CDH9: variants seen among roughly 807,000 people sequenced by gnomAD.
CDH9 encodes the protein cadherin 9.
Under a neutral mutation model 70.9 loss-of-function variants are expected in CDH9, and 28 were observed. The observed-to-expected ratio is 0.40, with a 90% CI of 0.29 to 0.54. The LOEUF is 0.54. Ranked by LOEUF, CDH9 falls within the 20% of genes least tolerant of loss-of-function variation. The probability of loss-of-function intolerance (pLI) is 0.59; values close to 1 mark genes in which losing one functional copy is unlikely to be tolerated. For synonymous variants in CDH9, 409 were observed against 343.1 expected, an observed-to-expected ratio of 1.19 and a Z score of -2.12; for missense variants, 874 against 984.4, an observed-to-expected ratio of 0.89 and a Z score of 1.50.
chr5:26,908,699 G>T (rs1445405293), intron 3 of CDH9, among the ~76,000 whole-genome samples: 1 of 152,268 alleles, frequency 6.6e-6, no homozygotes, highest in South Asian at 2.1e-4. Flanking sequence ...CAAAGAGAAA[G>T]AAGTTAATAT....
intron 2 of CDH9, among the ~76,000 whole-genome samples, chr5:26,952,073 C>G (rs1361851039): frequency 6.6e-6 from 1 of 150,528 alleles, no homozygotes; most frequent in Non-Finnish European, 1.5e-5. Flanking sequence ...CTCCGCCTCT[C>G]GGGTTCAAGC....
intron 2 of CDH9, among the ~76,000 whole-genome samples, chr5:26,941,742 T>C (rs1394595441): frequency 1.3e-5 from 2 of 152,092 alleles, no homozygotes; most frequent in Non-Finnish European, 2.9e-5. Flanking sequence ...AATGACTAGA[T>C]AGTCTATGAA....
chr5:27,036,157 T>A (rs1220166685), intron 1 of CDH9, among the ~76,000 whole-genome samples: 1 of 151,906 alleles, frequency 6.6e-6, no homozygotes. Flanking sequence ...CATATCACTA[T>A]TGATGCCTGA....
intron 1 of CDH9, among the ~76,000 whole-genome samples, chr5:27,022,924 T>A (rs1359807427): frequency 6.6e-6 from 1 of 151,710 alleles, no homozygotes; most frequent in Non-Finnish European, 1.5e-5. Context: ...AGTAGTTCAG[T>A]TATTTGTATT....
rs1450994684 is a variant in CDH9 at position 26,969,725 on chromosome 5, T to G, written c.228+18381A>C. Among the ~76,000 whole-genome samples the G allele has an allele frequency of 2.6e-5, 4 of 152,000 alleles. No homozygotes were observed. The South Asian group carries it at 8.3e-4, about 31-fold the overall frequency. On this transcript the variant is annotated intron_variant, in intron 2 of 11. Coordinates refer to ENST00000231021, the MANE Select transcript of CDH9 (RefSeq NM_016279.4). Reference sequence around the variant, plus strand: ...CTGTATAGTTTGATTGCACTGGTATTGATACTTCAATAACTCACAAGCTTT... The same window carrying G: ...CTGTATAGTTTGATTGCACTGGTATGGATACTTCAATAACTCACAAGCTTT...
intron 2 of CDH9, among the ~76,000 whole-genome samples, chr5:26,955,707 G>A (rs993069233): frequency 3.3e-5 from 5 of 152,216 alleles, no homozygotes; most frequent in South Asian, 2.1e-4. Context: ...TAGGACATGG[G>A]CGTATTTAGG....
chr5:26,950,154 C>A (rs1438486291), intron 2 of CDH9, among the ~76,000 whole-genome samples: 1 of 152,108 alleles, frequency 6.6e-6, no homozygotes, highest in Non-Finnish European at 1.5e-5. Context: ...ACTGTTATTG[C>A]TACTGGGTAT....
At chr5:26,923,363 A>C (rs957298991) in intron 2 of CDH9, among the ~76,000 whole-genome samples, 3 of 151,956 alleles carry the variant, frequency 2.0e-5, no homozygotes, top group African/African-American at 4.8e-5. Context: ...CAGCAAGAAG[A>C]TATAACAATT....
intron 2 of CDH9, among the ~76,000 whole-genome samples, chr5:26,964,785 C>T (rs1742100615): frequency 6.8e-6 from 1 of 146,470 alleles, no homozygotes; most frequent in African/African-American, 2.5e-5. Flanking sequence ...CCTGCCCCAC[C>T]CCCACCACCC....
intron 2 of CDH9, among the ~76,000 whole-genome samples, chr5:26,965,668 C>A (rs1742117489): frequency 6.6e-6 from 1 of 151,124 alleles, no homozygotes; most frequent in South Asian, 2.1e-4. Flanking sequence ...AAAAATTGGA[C>A]AACTAGAAAC....
At chr5:27,025,592 CAACA>C (rs546554147) in intron 1 of CDH9, among the ~76,000 whole-genome samples, 8 of 152,126 alleles carry the variant, frequency 5.3e-5, no homozygotes, top group Admixed American at 2.6e-4. Flanking sequence ...ACCTGCAAGA[CAACA>C]AACAGTTTCT....
intron 1 of CDH9, among the ~76,000 whole-genome samples, chr5:27,001,720 T>G (rs1039003316): frequency 2.6e-5 from 4 of 152,070 alleles, no homozygotes; most frequent in Non-Finnish European, 5.9e-5. Flanking sequence ...AATACCATTT[T>G]CCATCAAAAT....
At chr5:27,036,320 G>A (rs150922794) in intron 1 of CDH9, among the ~76,000 whole-genome samples, 50 of 151,986 alleles carry the variant, frequency 3.3e-4, no homozygotes, top group African/African-American at 1.2e-3. Context: ...TCCATGTAAG[G>A]TGACGTTCAG....
chr5:26,943,317 G>A (rs1245351077), intron 2 of CDH9, among the ~76,000 whole-genome samples: 2 of 151,990 alleles, frequency 1.3e-5, no homozygotes, highest in East Asian at 1.9e-4. Flanking sequence ...TTTGAGACCA[G>A]CCTGACCAAC....
intron 3 of CDH9, 135 bp from the exon 4 acceptor site, chr5:26,906,973 T>C (rs1740960169): frequency 7.9e-7 from 1 of 1,273,044 alleles, no homozygotes; most frequent in Non-Finnish European, 1.0e-6. Flanking sequence ...ATTTAAATAC[T>C]TCCTCAAAAA....
intron 7 of CDH9, among the ~76,000 whole-genome samples, chr5:26,899,298 G>A (rs1740810253): frequency 6.6e-6 from 1 of 152,104 alleles, no homozygotes; most frequent in Non-Finnish European, 1.5e-5. Flanking sequence ...AATACCATTT[G>A]ACCCAGCAAT....
intron 2 of CDH9, among the ~76,000 whole-genome samples, chr5:26,930,277 G>A (rs1741419782): frequency 6.6e-6 from 1 of 152,008 alleles, no homozygotes; most frequent in African/African-American, 2.4e-5. Context: ...TTTGTTATAA[G>A]TTTATGGAGA....
At chr5:26,955,572 A>ATCTCTCTC (rs10541203) in intron 2 of CDH9, among the ~76,000 whole-genome samples, 10 of 144,266 alleles carry the variant, frequency 6.9e-5, no homozygotes, top group Non-Finnish European at 7.6e-5. Context: ...TTGTGGCAGT[A>ATCTCTCTC]TCTCTCTCTC....
In CDH9 at chr5:26,885,759, GC is replaced by G; in HGVS notation, c.1736del (p.Ser579ThrfsTer27). On this transcript the variant is annotated frameshift_variant, in exon 11 of 12. Coordinates refer to ENST00000231021, the MANE Select transcript of CDH9 (RefSeq NM_016279.4). LOFTEE classifies it high-confidence loss of function. ...LIFDNDYPIQ[S>X]STGTLTIRVC... Reference sequence around the variant, plus strand: ...CACGGATAGTGAGTGTACCAGTGCTGCTTTGAATTGGATAATCGTTGTCAAA... The same window carrying G: ...CACGGATAGTGAGTGTACCAGTGCTGTTTGAATTGGATAATCGTTGTCAAA... 6.2e-7 allele frequency: 1 copy of G among 1,613,866 alleles called. No homozygotes were observed. Among genetic ancestry groups the G allele is most frequent in the Non-Finnish European group, 8.5e-7 (1 of 1,179,918 alleles).
Sources: gnomAD v4.1 joint callset for allele counts (sites outside exome capture counted in the v4.1 genomes callset) on GRCh38, gnomAD v4.1.1 for gene constraint, MANE v1.5 for transcripts, NCBI Gene and HGNC (gene_info 2026-07-23, HGNC 2026-07-21) for gene names.